The following ERCC8 variants were observed in gnomAD, a reference collection of about 807,000 sequenced individuals.
ERCC8 encodes ERCC excision repair 8, CSA ubiquitin ligase complex subunit.
In ERCC8, 52 loss-of-function variants were observed where a neutral mutation model predicts 54.9. The ratio of observed to expected loss-of-function variants is 0.95; its 90% CI spans 0.76 to 1.19. ERCC8 has a LOEUF of 1.19. Ranked by LOEUF, ERCC8 falls within the 50% of genes most tolerant of loss-of-function variation. The probability of loss-of-function intolerance (pLI) is 0.00; values close to 1 mark genes in which losing one functional copy is unlikely to be tolerated. For synonymous variants in ERCC8, 146 were observed against 157.2 expected (o/e 0.93, Z 0.53); for missense variants, 514 against 466.1 (o/e 1.10, Z -0.95).
At chr5:60,939,529 G>A (rs1354056368) in intron 1 of ERCC8, among the ~76,000 whole-genome samples, 2 of 151,850 alleles carry the variant, frequency 1.3e-5, no homozygotes, top group Non-Finnish European at 1.5e-5. Context: ...ACAGAGTCTC[G>A]CTCTGTCACC....
At chr5:60,922,870 G>A (rs1299328752) in intron 2 of ERCC8, among the ~76,000 whole-genome samples, 1 of 152,118 alleles carries the variant, frequency 6.6e-6, no homozygotes, top group East Asian at 1.9e-4. Flanking sequence ...AGTTATGATT[G>A]GGATCACTGT....
chr5:60,892,188 G>C, intron 9 of ERCC8: 2 of 525,790 alleles, frequency 3.8e-6, no homozygotes, highest in Non-Finnish European at 3.8e-6. Flanking sequence ...CACCCCATCT[G>C]ATGACGATTC....
chr5:60,923,768 A>G (rs1401769366), intron 2 of ERCC8, among the ~76,000 whole-genome samples: 1 of 152,128 alleles, frequency 6.6e-6, no homozygotes, highest in Non-Finnish European at 1.5e-5. Flanking sequence ...CCATTACAAA[A>G]TATACATTTA....
chr5:60,933,402 A>G (rs1400314327), intron 1 of ERCC8, among the ~76,000 whole-genome samples: 2 of 151,634 alleles, frequency 1.3e-5, no homozygotes, highest in Non-Finnish European at 2.9e-5. Flanking sequence ...TATTTTTAGT[A>G]GAGATGGGGT....
chr5:60,921,535 A>G (rs1056318425), intron 3 of ERCC8, among the ~76,000 whole-genome samples: 1 of 151,990 alleles, frequency 6.6e-6, no homozygotes, highest in African/African-American at 2.4e-5. Context: ...AGTATTACAG[A>G]TGTATGTTTT....
At chr5:60,938,542 C>T (rs529425445) in intron 1 of ERCC8, among the ~76,000 whole-genome samples, 253 of 151,490 alleles carry the variant, frequency 1.7e-3, no homozygotes, top group Middle Eastern at 3.4e-3. Flanking sequence ...TTAGTAGAGA[C>T]GGGGTTTCAC....
In ERCC8 at chr5:60,866,657, TAA is replaced by T. The variant is rs1747754575; in HGVS notation, c.*7956_*7957del. ...TAGAATTTGAGTGTTCACTCAGTAT[TAA>T]GACAATTCATAAAACTTTTATAATG... On this transcript the variant is annotated 3_prime_UTR_variant, in exon 12 of 12. Coordinates refer to ENST00000676185, the MANE Select transcript of ERCC8 (RefSeq NM_000082.4). The T allele has an allele frequency of 6.6e-6, 1 of 152,214 alleles. No homozygotes were observed. Among genetic ancestry groups the T allele is most frequent in the Non-Finnish European group, 1.5e-5 (1 of 68,026 alleles). 9.4% of individuals were successfully genotyped at this position (152,214 alleles called of 1,614,324 possible). A position where few individuals can be genotyped will look rare whatever the true frequency, so the allele number is the denominator to read the frequency against.
chr5:60,943,199 A>G (rs575200947), intron 1 of ERCC8, among the ~76,000 whole-genome samples: 1 of 152,248 alleles, frequency 6.6e-6, no homozygotes, highest in Admixed American at 6.5e-5. Context: ...TGAGCCTGGA[A>G]AGTCGAGGCT....
At chr5:60,914,993 T>C (rs1439142877) in intron 4 of ERCC8, among the ~76,000 whole-genome samples, 1 of 151,970 alleles carries the variant, frequency 6.6e-6, no homozygotes, top group East Asian at 1.9e-4. Context: ...TATTAATAGT[T>C]GATTTAGGAT....
rs954954030 is a variant in ERCC8, at chr5:60,874,048, A to C, written c.*567T>G. Reference sequence around the variant, plus strand: ...CAAAGTTAAAAGCCTCCTGTGATGCACATTTTGGATAGTAGGAGACATTGA... The same window carrying C: ...CAAAGTTAAAAGCCTCCTGTGATGCCCATTTTGGATAGTAGGAGACATTGA... On this transcript the variant is annotated 3_prime_UTR_variant, in exon 12 of 12. Coordinates refer to ENST00000676185, the MANE Select transcript of ERCC8 (RefSeq NM_000082.4). The C allele has an allele frequency of 6.6e-6, 1 of 152,288 alleles. No individual in the cohort carries two copies. The highest frequency in any genetic ancestry group is 2.4e-5 in the African/African-American group (1 of 41,460). 9.4% of individuals were successfully genotyped at this position (152,288 alleles called of 1,614,324 possible).
chr5:60,932,749 A>G lies in ERCC8; in HGVS notation c.78-3790T>C, dbSNP rs1315356953. ...GAGTTCTCAGCCCTTCTAGAAAATC[A>G]TAAAACCTGGGGATGGTCTTGAGGA... is the stretch of plus-strand genomic sequence containing the variant. On this transcript the variant is annotated intron_variant, in intron 1 of 11. Transcript: ENST00000676185. Among the ~76,000 whole-genome samples the G allele has an allele frequency of 2.0e-5, 3 of 152,168 alleles. No individual in the cohort carries two copies. The East Asian group carries it at 5.8e-4, about 29-fold the overall frequency.
chr5:60,938,236 A>C (rs897761321), intron 1 of ERCC8, among the ~76,000 whole-genome samples: 2 of 151,112 alleles, frequency 1.3e-5, no homozygotes, highest in Non-Finnish European at 2.9e-5. Context: ...AGTTTTCTGA[A>C]ATGTAATTAT....
intron 9 of ERCC8, 59 bp from the exon 10 acceptor site, chr5:60,891,145 A>C: frequency 1.7e-6 from 2 of 1,169,252 alleles, no homozygotes; most frequent in Middle Eastern, 2.8e-4. Context: ...AAACACAACA[A>C]AGCCTAGGAG....
rs4647097 is a variant in ERCC8, at chr5:60,905,166, G to A, written c.400-293C>T. Among the ~76,000 whole-genome samples the A allele has an allele frequency of 0.064, 9,681 of 152,126 alleles. 1,019 individuals are homozygous for A. The highest frequency in any genetic ancestry group is 0.22 in the African/African-American group (9,173 of 41,450). ...CCTCTCCACCCACCCTGGTGGGGAGGGGGCTCAGCATCTACATGGATGATG... is the reference window on the plus strand; with the variant it reads ...CCTCTCCACCCACCCTGGTGGGGAGAGGGCTCAGCATCTACATGGATGATG... On this transcript the variant is annotated intron_variant, in intron 4 of 11. Transcript: ENST00000676185.
chr5:60,939,344 A>G (rs1352290999), intron 1 of ERCC8, among the ~76,000 whole-genome samples: 1 of 152,108 alleles, frequency 6.6e-6, no homozygotes, highest in East Asian at 1.9e-4. Flanking sequence ...ATTCAAATAC[A>G]TTTGGTTTTT....
At chr5:60,879,968 C>G (rs550972947) in intron 11 of ERCC8, among the ~76,000 whole-genome samples, 4 of 152,274 alleles carry the variant, frequency 2.6e-5, no homozygotes, top group East Asian at 1.9e-4. Flanking sequence ...CCTTGATGGT[C>G]TTTACAATTT....
At chr5:60,875,540 AT>A (rs2112453092) in intron 11 of ERCC8, among the ~76,000 whole-genome samples, 1 of 152,302 alleles carries the variant, frequency 6.6e-6, no homozygotes, top group South Asian at 2.1e-4. Flanking sequence ...AGATGGTCTC[AT>A]TGTTAAAGTA....
rs1364125054 is a variant in ERCC8, at chr5:60,874,232, G to A, written c.*383C>T. ...CAAAATCATTCTTAAAGGTGGAAAC[G>A]AGCAGGCTGATAGTACAGCAAGTAA... On this transcript the variant is annotated 3_prime_UTR_variant, in exon 12 of 12. Coordinates refer to ENST00000676185, the MANE Select transcript of ERCC8 (RefSeq NM_000082.4). 1.8e-5 allele frequency: 3 copies of A among 163,732 alleles called. No homozygotes were observed. The highest frequency in any genetic ancestry group is 3.9e-5 in the Non-Finnish European group (3 of 76,096). 10.1% of individuals were successfully genotyped at this position (163,732 alleles called of 1,614,324 possible). A position where few individuals can be genotyped will look rare whatever the true frequency, so the allele number is the denominator to read the frequency against.
In ERCC8 at chr5:60,899,747, A is replaced by G. The variant is rs760176314; in HGVS notation, c.618-20T>C. The G allele has an allele frequency of 2.6e-6, 4 of 1,548,742 alleles. No homozygotes were observed. The highest frequency in any genetic ancestry group is 3.6e-6 in the Non-Finnish European group (4 of 1,121,750). The stretch of plus-strand genomic sequence containing the variant: ...TCAGCACTGAGAAGAAATAAATGTT[A>G]CATTGACATATGTAGCTAGGACAAT... On this transcript the variant is annotated intron_variant, in intron 7 of 11. Coordinates refer to ENST00000676185, the MANE Select transcript of ERCC8 (RefSeq NM_000082.4).
Sources: gnomAD v4.1 joint callset for allele counts (sites outside exome capture counted in the v4.1 genomes callset) on GRCh38, gnomAD v4.1.1 for gene constraint, MANE v1.5 for transcripts, NCBI Gene and HGNC (gene_info 2026-07-23, HGNC 2026-07-21) for gene names.